The following HS3ST3A1 variants were observed in gnomAD, a reference collection of about 807,000 sequenced individuals.
HS3ST3A1 encodes the protein heparan sulfate glucosamine 3-O-sulfotransferase 3A1.
In HS3ST3A1, 19 loss-of-function variants were observed where a neutral mutation model predicts 25.7. The ratio of observed to expected loss-of-function variants is 0.74; its 90% CI spans 0.52 to 1.08. The LOEUF (loss-of-function observed/expected upper bound fraction) is 1.08. Among genes scored for constraint, HS3ST3A1 ranks in the 50% least tolerant of loss-of-function variants. The pLI is 0.00. For missense variants in HS3ST3A1, 459 were observed against 594.3 expected (o/e 0.77, Z 2.37); for synonymous variants, 226 against 278.6 (o/e 0.81, Z 1.88).
At chr17:13,588,647 G>A (rs923461732) in intron 1 of HS3ST3A1, among the ~76,000 whole-genome samples, 1 of 151,930 alleles carries the variant, frequency 6.6e-6, no homozygotes, top group African/African-American at 2.4e-5. Context: ...CTTACTACAT[G>A]GGATTCACTC....
chr17:13,575,037 G>GCC (rs1907916945), intron 1 of HS3ST3A1, among the ~76,000 whole-genome samples: 1 of 151,710 alleles, frequency 6.6e-6, no homozygotes, highest in South Asian at 2.1e-4. Context: ...TTTTTTCTCA[G>GCC]TCTCTCTGTT....
chr17:13,578,715 C>T (rs184533499), intron 1 of HS3ST3A1, among the ~76,000 whole-genome samples: 22 of 152,112 alleles, frequency 1.4e-4, no homozygotes, highest in East Asian at 1.9e-4. Flanking sequence ...TAATACTGAA[C>T]GAATGAATGT....
rs564851942 is a variant in HS3ST3A1 at position 13,575,171 on chromosome 17, A to T, written c.599+25360T>A. 3.7e-4 allele frequency among the ~76,000 whole-genome samples: 56 copies of T among 152,218 alleles called. No homozygotes were observed. In the South Asian group the frequency reaches 0.012, roughly 32 times the overall value. ...GTTGTGAAACTCTCTGATAATTATTACCTATACCCTTTGCCTAGCATTATG... is the reference window on the plus strand; with the variant it reads ...GTTGTGAAACTCTCTGATAATTATTTCCTATACCCTTTGCCTAGCATTATG... On this transcript the variant is annotated intron_variant, in intron 1 of 1. Transcript: ENST00000284110.
At position 13,600,590 on chromosome 17, in the gene HS3ST3A1, G is replaced by A. The variant is rs1908695034; in HGVS notation, c.540C>T (p.Ala180=). The A allele has an allele frequency of 6.2e-7, 1 of 1,600,964 alleles. No individual in the cohort carries two copies. The highest frequency in any genetic ancestry group is 1.3e-5 in the African/African-American group (1 of 74,830). Residue 180 remains alanine, a synonymous_variant, in exon 1 of 2, where the codon GCC becomes GCT. Coordinates refer to ENST00000284110, the MANE Select transcript of HS3ST3A1 (RefSeq NM_006042.3). ...CGAAGAAGTGGGGCTCGGCGCCCAC[G>A]GCGCGCACGTCGGGGTGCACGCGCA... ...EFLRVHPDVR[A]VGAEPHFFDR...
chr17:13,495,973 A>G lies in HS3ST3A1; in HGVS notation c.*224T>C. 1 of 488,544 alleles carries G rather than the reference A, an allele frequency of 2.0e-6. No homozygotes were observed. Among genetic ancestry groups the G allele is most frequent in the Admixed American group, 3.9e-5 (1 of 25,760 alleles). 30.3% of individuals were successfully genotyped at this position (488,544 alleles called of 1,614,324 possible). Reference sequence around the variant, plus strand: ...ATATAGAACATAAAATAAAAACTGAAAATTGAAAGTGTTTAGACGAGTGAA... The same window carrying G: ...ATATAGAACATAAAATAAAAACTGAGAATTGAAAGTGTTTAGACGAGTGAA... On this transcript the variant is annotated 3_prime_UTR_variant, in exon 2 of 2. Transcript: ENST00000284110.
chr17:13,538,804 G>A (rs1321578991), intron 1 of HS3ST3A1, among the ~76,000 whole-genome samples: 1 of 152,070 alleles, frequency 6.6e-6, no homozygotes, highest in Non-Finnish European at 1.5e-5. Context: ...GAAGGAAGAG[G>A]ATCATGGAAG....
chr17:13,562,226 A>T (rs913127536), intron 1 of HS3ST3A1, among the ~76,000 whole-genome samples: 10 of 152,178 alleles, frequency 6.6e-5, no homozygotes, highest in African/African-American at 2.4e-4. Flanking sequence ...CGCAGCCTGC[A>T]AGAGTGGACT....
chr17:13,538,263 T>A (rs546145235), intron 1 of HS3ST3A1, among the ~76,000 whole-genome samples: 2 of 152,340 alleles, frequency 1.3e-5, no homozygotes, highest in African/African-American at 4.8e-5. Flanking sequence ...TCTACTTTTT[T>A]TGCAGACAAA....
At chr17:13,523,081 G>A (rs567029663) in intron 1 of HS3ST3A1, among the ~76,000 whole-genome samples, 2 of 152,234 alleles carry the variant, frequency 1.3e-5, no homozygotes, top group South Asian at 4.1e-4. Flanking sequence ...ATACAAGCTA[G>A]GAAGTTCACA....
At chr17:13,595,434 A>G (rs1231149027) in intron 1 of HS3ST3A1, among the ~76,000 whole-genome samples, 3 of 152,222 alleles carry the variant, frequency 2.0e-5, no homozygotes, top group Non-Finnish European at 4.4e-5. Context: ...TTTATTCACT[A>G]TATAAATATC....
intron 1 of HS3ST3A1, among the ~76,000 whole-genome samples, chr17:13,537,058 TG>T (rs1335813743): frequency 2.0e-5 from 3 of 152,174 alleles, no homozygotes; most frequent in Admixed American, 6.5e-5. Context: ...GACTTCTGTA[TG>T]GTGTCAACTT....
chr17:13,521,235 G>C (rs1241507540), intron 1 of HS3ST3A1, among the ~76,000 whole-genome samples: 1 of 152,176 alleles, frequency 6.6e-6, no homozygotes, highest in Non-Finnish European at 1.5e-5. Flanking sequence ...TCTTTCTTTT[G>C]AGGGGCACAA....
intron 1 of HS3ST3A1, among the ~76,000 whole-genome samples, chr17:13,556,542 T>TAAAATAAAATAAAATAAAATAAAATAAAA (rs1238327302): frequency 1.2e-5 from 1 of 80,968 alleles, no homozygotes; most frequent in African/African-American, 8.9e-5. Flanking sequence ...ATAAAATAAA[T>TAAAATAAAATAAAATAAAATAAAATAAAA]AGATAAAAAA....
chr17:13,563,532 C>A (rs1479477142), intron 1 of HS3ST3A1, among the ~76,000 whole-genome samples: 1 of 152,094 alleles, frequency 6.6e-6, no homozygotes, highest in Non-Finnish European at 1.5e-5. Context: ...AGCTACTAGT[C>A]TAAAGTGTTG....
intron 1 of HS3ST3A1, among the ~76,000 whole-genome samples, chr17:13,500,029 A>AT (rs1344236334): frequency 6.6e-6 from 1 of 152,090 alleles, no homozygotes; most frequent in African/African-American, 2.4e-5. Context: ...ATCTTAAATT[A>AT]TTTTTTTCAA....
Position 13,520,955 on chromosome 17 carries a change from G to A in HS3ST3A1, c.600-24137C>T, listed in dbSNP as rs143262700. On this transcript the variant is annotated intron_variant, in intron 1 of 1. Coordinates refer to ENST00000284110, the MANE Select transcript of HS3ST3A1 (RefSeq NM_006042.3). ...TCCTTGTTTGTTGAATTTGGTGAGA[G>A]TTTGCTCTGACAACCTCAAACCTTC... Among the ~76,000 whole-genome samples, 15 of 152,284 alleles carry A rather than the reference G, an allele frequency of 9.9e-5. No individual in the cohort carries two copies. The East Asian group carries it at 2.9e-3, about 29-fold the overall frequency.
At chr17:13,581,742 C>T (rs1224177446) in intron 1 of HS3ST3A1, among the ~76,000 whole-genome samples, 2 of 152,136 alleles carry the variant, frequency 1.3e-5, no homozygotes, top group Non-Finnish European at 2.9e-5. Flanking sequence ...AGCTACAGAA[C>T]TGTTTTAATA....
chr17:13,496,053 G>A lies in HS3ST3A1; in HGVS notation c.*144C>T. On this transcript the variant is annotated 3_prime_UTR_variant, in exon 2 of 2. Coordinates refer to ENST00000284110, the MANE Select transcript of HS3ST3A1 (RefSeq NM_006042.3). ...GGTGTTGGTTATACATTAAGATGGG[G>A]CGGGAGTGAGAACAATCTCTTAACA... The A allele has an allele frequency of 9.9e-7, 1 of 1,014,576 alleles. No homozygotes were observed. Among genetic ancestry groups the A allele is most frequent in the Non-Finnish European group, 1.4e-6 (1 of 722,562 alleles). The allele number at this position is 1,014,576 out of a possible 1,614,324, so 62.8% of individuals were successfully genotyped here. A position where few individuals can be genotyped will look rare whatever the true frequency, so the allele number is the denominator to read the frequency against.
In HS3ST3A1 at chr17:13,600,770, C is replaced by G; in HGVS notation, c.360G>C (p.Leu120=). The G allele has an allele frequency of 6.7e-7, 1 of 1,503,202 alleles. No individual in the cohort carries two copies. Among genetic ancestry groups the G allele is most frequent in the Non-Finnish European group, 8.8e-7 (1 of 1,133,644 alleles). 93.1% of individuals were successfully genotyped at this position (1,503,202 alleles called of 1,614,324 possible). ...CCCCGGAGCCGCCCGGACCCCCTGACAGGCCAGGGGACTCTTCTTCCCAGG... is the reference window on the plus strand; with the variant it reads ...CCCCGGAGCCGCCCGGACCCCCTGAGAGGCCAGGGGACTCTTCTTCCCAGG... ...EAAWEEESPG[L]SGGPGGSGAG... is the part of the protein sequence containing the mutation. Residue 120 remains leucine, a synonymous_variant, in exon 1 of 2, where the codon CTG becomes CTC. Coordinates refer to ENST00000284110, the MANE Select transcript of HS3ST3A1 (RefSeq NM_006042.3).
Sources: gnomAD v4.1 joint callset for allele counts (sites outside exome capture counted in the v4.1 genomes callset) on GRCh38, gnomAD v4.1.1 for gene constraint, MANE v1.5 for transcripts, NCBI Gene and HGNC (gene_info 2026-07-23, HGNC 2026-07-21) for gene names.